Variants in NECAP2 observed in about 807,000 individuals in gnomAD.
The protein encoded by NECAP2 is NECAP endocytosis associated 2.
Under a neutral mutation model 37.8 loss-of-function variants are expected in NECAP2, and 38 were observed. That is an observed-to-expected ratio of 1.01 (90% confidence interval 0.78 to 1.32). The LOEUF (loss-of-function observed/expected upper bound fraction) is 1.32. Ranked by LOEUF, NECAP2 falls within the 40% of genes most tolerant of loss-of-function variation. The pLI is 0.00. For missense variants in NECAP2, 316 were observed against 334.5 expected (o/e 0.94, Z 0.43); for synonymous variants, 121 against 127.7 (o/e 0.95, Z 0.35).
chr1:16,448,049 T>G lies in NECAP2; in HGVS notation c.299-11T>G, dbSNP rs182041788. The G allele has an allele frequency of 4.3e-4, 696 of 1,614,198 alleles. 2 individuals carry two copies. In the African/African-American group the frequency reaches 8.5e-3, roughly 20 times the overall value. ...CTTTGGAAGGTGGGTTGATCATGTG[T>G]TGTTCCCCAGGGCGACGGGCGTTTA... On this transcript the variant is annotated splice_polypyrimidine_tract_variant and intron_variant, in intron 3 of 7. Transcript: ENST00000337132.
At chr1:16,457,824 C>T (rs1431161454) in intron 7 of NECAP2, among the ~76,000 whole-genome samples, 2 of 151,058 alleles carry the variant, frequency 1.3e-5, no homozygotes, top group African/African-American at 4.9e-5. Flanking sequence ...GTGATTATCC[C>T]TTAGCCTCCT....
At position 16,448,088 on chromosome 1, in the gene NECAP2, C is replaced by T. The variant is rs753891356; in HGVS notation, c.327C>T (p.Phe109=). The T allele has an allele frequency of 6.2e-6, 10 of 1,614,134 alleles. No homozygotes were observed. The Admixed American group carries it at 8.3e-5, about 13-fold the overall frequency. ...GACGGGCGTTTATTGGAATTGGCTT[C>T]GGGGACCGAGGTGATGCCTTTGACT... ...NGRRAFIGIG[F]GDRGDAFDFN... Residue 109 remains phenylalanine, a synonymous_variant, in exon 4 of 8, where the codon TTC becomes TTT. Coordinates refer to ENST00000337132, the MANE Select transcript of NECAP2 (RefSeq NM_018090.5).
At chr1:16,453,614 G>A (rs892619447) in intron 6 of NECAP2, among the ~76,000 whole-genome samples, 3 of 151,894 alleles carry the variant, frequency 2.0e-5, no homozygotes, top group Non-Finnish European at 4.4e-5. Flanking sequence ...TCAGCCTCCT[G>A]AGTAGCTGAG....
In NECAP2 at chr1:16,448,099, GTGATGCCTT is replaced by G. The variant is rs1557687664; in HGVS notation, c.342_350del (p.Ala115_Asp117del). 1 of 1,614,184 alleles carries G rather than the reference GTGATGCCTT, an allele frequency of 6.2e-7. No homozygotes were observed. Among genetic ancestry groups the G allele is most frequent in the East Asian group, 2.2e-5 (1 of 44,888 alleles). The stretch of plus-strand genomic sequence containing the variant: ...ATTGGAATTGGCTTCGGGGACCGAG[GTGATGCCTT>G]TGACTTCAATGTTGCATTGCAGGAC... On this transcript the variant is annotated inframe_deletion, in exon 4 of 8. Transcript: ENST00000337132.
intron 2 of NECAP2, among the ~76,000 whole-genome samples, chr1:16,445,328 CTT>C (rs1306035438): frequency 1.3e-5 from 2 of 152,216 alleles, no homozygotes; most frequent in East Asian, 3.8e-4. Context: ...CCAGATGAGT[CTT>C]TGTTTTGGAG....
chr1:16,458,463 G>A (rs908277862), intron 7 of NECAP2, among the ~76,000 whole-genome samples: 1 of 151,842 alleles, frequency 6.6e-6, no homozygotes, highest in Admixed American at 6.6e-5. Flanking sequence ...AAATTAACCG[G>A]TCATGTAGTT....
In NECAP2 at chr1:16,451,815, T is replaced by G. The variant is rs1357937468; in HGVS notation, c.490-23T>G. ...TGGGACTCCAGCAGAACGGGCTGAT[T>G]TGCATTCCTCTTCCCTCTTTAGAAC... is the stretch of plus-strand genomic sequence containing the variant. On this transcript the variant is annotated intron_variant, in intron 5 of 7. Transcript: ENST00000337132. 3 of 1,613,796 alleles carry G rather than the reference T, an allele frequency of 1.9e-6. No individual in the cohort carries two copies. In the African/African-American group the frequency reaches 4.0e-5, roughly 22 times the overall value.
chr1:16,447,064 A>G (rs868300950), intron 2 of NECAP2, among the ~76,000 whole-genome samples: 7,480 of 28,830 alleles, frequency 0.26, 280 homozygotes, highest in Non-Finnish European at 0.34. Flanking sequence ...CATCTCAGGA[A>G]AAAAAAAAAA....
At chr1:16,441,122 A>T (rs989170023) in intron 1 of NECAP2, 4 of 493,008 alleles carry the variant, frequency 8.1e-6, no homozygotes, top group African/African-American at 7.8e-5. Flanking sequence ...CGGGTACCCT[A>T]AACTTGGTCG....
At chr1:16,457,775 T>C (rs2086943722) in intron 7 of NECAP2, among the ~76,000 whole-genome samples, 1 of 146,670 alleles carries the variant, frequency 6.8e-6, no homozygotes, top group Non-Finnish European at 1.5e-5. Flanking sequence ...TGCAGTGGCG[T>C]GATGTCGGCT....
Position 16,459,221 on chromosome 1 carries a change from A to C in NECAP2, c.*331A>C. On this transcript the variant is annotated 3_prime_UTR_variant, in exon 8 of 8. Coordinates refer to ENST00000337132, the MANE Select transcript of NECAP2 (RefSeq NM_018090.5). Reference sequence around the variant, plus strand: ...TAAACACAAGCCCCCCAAGCAAAAGAAGAGGTTGAGTTTGCTGCCAGGATT... The same window carrying C: ...TAAACACAAGCCCCCCAAGCAAAAGCAGAGGTTGAGTTTGCTGCCAGGATT... 2.8e-6 allele frequency: 1 copy of C among 362,296 alleles called. No homozygotes were observed. Among genetic ancestry groups the C allele is most frequent in the Non-Finnish European group, 4.9e-6 (1 of 202,210 alleles). 22.4% of individuals were successfully genotyped at this position (362,296 alleles called of 1,614,324 possible).
At chr1:16,448,506 G>A (rs1400191287) in intron 4 of NECAP2, among the ~76,000 whole-genome samples, 1 of 152,172 alleles carries the variant, frequency 6.6e-6, no homozygotes, top group African/African-American at 2.4e-5. Flanking sequence ...GTCCTTTTCT[G>A]AAGCTAAGAG....
At chr1:16,456,277 G>A (rs1223347541) in intron 7 of NECAP2, among the ~76,000 whole-genome samples, 3 of 152,006 alleles carry the variant, frequency 2.0e-5, no homozygotes, top group Non-Finnish European at 2.9e-5. Context: ...CACCTGCCTC[G>A]TCCTCCCAAA....
intron 7 of NECAP2, among the ~76,000 whole-genome samples, chr1:16,457,409 C>A (rs376897040): frequency 2.3e-4 from 35 of 152,076 alleles, no homozygotes; most frequent in African/African-American, 7.0e-4. Context: ...TGACATCATG[C>A]CACTCTAGTC....
chr1:16,440,864 A>G lies in NECAP2; in HGVS notation c.92+11A>G, dbSNP rs114024565. The G allele has an allele frequency of 0.065, 105,067 of 1,608,148 alleles. 3,994 individuals are homozygous for G. Among genetic ancestry groups the G allele is most frequent in the Non-Finnish European group, 0.076 (89,800 of 1,174,554 alleles). Reference sequence around the variant, plus strand: ...CAACCGTGGCTACAGGTGACTACCCACCGCCAGACCAGGCTAGCTCCAATT... The same window carrying G: ...CAACCGTGGCTACAGGTGACTACCCGCCGCCAGACCAGGCTAGCTCCAATT... On this transcript the variant is annotated intron_variant, in intron 1 of 7. Coordinates refer to ENST00000337132, the MANE Select transcript of NECAP2 (RefSeq NM_018090.5).
intron 6 of NECAP2, among the ~76,000 whole-genome samples, chr1:16,453,527 C>T (rs540918973): frequency 1.3e-5 from 2 of 151,638 alleles, no homozygotes; most frequent in South Asian, 4.2e-4. Flanking sequence ...CTTGCTCTGT[C>T]ACCCAGGCTG....
At chr1:16,450,069 C>G (rs1301414869) in intron 5 of NECAP2, 2 of 398,108 alleles carry the variant, frequency 5.0e-6, no homozygotes, top group Non-Finnish European at 5.1e-6. Context: ...TTCCTCTTTA[C>G]TTACTCTTTC....
intron 2 of NECAP2, 148 bp from the exon 3 acceptor site, chr1:16,447,722 G>C: frequency 1.5e-6 from 1 of 656,350 alleles, no homozygotes. Flanking sequence ...TAGCAAGAAT[G>C]GATTCGATTT....
At chr1:16,442,082 G>A (rs1002646157) in intron 1 of NECAP2, among the ~76,000 whole-genome samples, 3 of 151,188 alleles carry the variant, frequency 2.0e-5, no homozygotes, top group Admixed American at 2.0e-4. Context: ...GGATTCAAGC[G>A]ATTCTCCTGC....
Sources: allele counts gnomAD v4.1 joint callset (sites outside exome capture counted in the v4.1 genomes callset), GRCh38; gene constraint gnomAD v4.1.1; transcripts MANE v1.5; gene names NCBI Gene and HGNC (gene_info 2026-07-23, HGNC 2026-07-21).